NDUFA9: variants seen among roughly 807,000 people sequenced by gnomAD.
NDUFA9 encodes NADH dehydrogenase [ubiquinone] 1 alpha subcomplex subunit 9, mitochondrial.
Under a neutral mutation model 45.9 loss-of-function variants are expected in NDUFA9, and 23 were observed. The ratio of observed to expected loss-of-function variants is 0.50; its 90% confidence interval spans 0.36 to 0.71. The LOEUF (loss-of-function observed/expected upper bound fraction) is 0.71. Among genes scored for constraint, NDUFA9 ranks in the 30% least tolerant of loss-of-function variants. The pLI, the probability that NDUFA9 is intolerant of heterozygous loss-of-function variation, is 0.00. For synonymous variants in NDUFA9, 176 were observed against 170.5 expected, an observed-to-expected ratio of 1.03 and a Z score of -0.25; for missense variants, 466 against 488.2, an observed-to-expected ratio of 0.95 and a Z score of 0.43.
intron 6 of NDUFA9, among the ~76,000 whole-genome samples, chr12:4,666,825 C>A (rs1418746303): frequency 1.3e-5 from 2 of 151,896 alleles, no homozygotes; most frequent in Non-Finnish European, 2.9e-5. Context: ...AAAATTTGTT[C>A]TTTTTCAAGA....
chr12:4,673,852 A>G (rs932322047), intron 8 of NDUFA9, among the ~76,000 whole-genome samples: 98 of 152,204 alleles, frequency 6.4e-4, no homozygotes, highest in African/African-American at 2.2e-3. Flanking sequence ...GAGCAACCAC[A>G]AGACACATAA....
chr12:4,650,984 G>A (rs1945756367), intron 1 of NDUFA9, among the ~76,000 whole-genome samples: 1 of 152,120 alleles, frequency 6.6e-6, no homozygotes, highest in Non-Finnish European at 1.5e-5. Flanking sequence ...GACCTAATAA[G>A]TTGTGGAAAT....
chr12:4,652,550 C>T (rs1309529475), intron 1 of NDUFA9, among the ~76,000 whole-genome samples: 1 of 152,188 alleles, frequency 6.6e-6, no homozygotes, highest in African/African-American at 2.4e-5. Flanking sequence ...ACTTCACTTT[C>T]AGCATTTGGT....
intron 8 of NDUFA9, among the ~76,000 whole-genome samples, chr12:4,676,783 G>T (rs1178407862): frequency 6.6e-6 from 1 of 152,164 alleles, no homozygotes; most frequent in Admixed American, 6.5e-5. Flanking sequence ...TTTCTTCACA[G>T]AATTGGAAAA....
chr12:4,672,444 G>C (rs908082342), intron 8 of NDUFA9, among the ~76,000 whole-genome samples: 1 of 152,226 alleles, frequency 6.6e-6, no homozygotes, highest in Admixed American at 6.5e-5. Context: ...GGCTCAGCGG[G>C]TCCCACCCCC....
At chr12:4,681,669 T>TAG (rs1227346644) in intron 8 of NDUFA9, among the ~76,000 whole-genome samples, 30 of 150,992 alleles carry the variant, frequency 2.0e-4, no homozygotes, top group African/African-American at 5.8e-4. Context: ...AAAAGCAGTT[T>TAG]AGAAGTATTC....
chr12:4,658,996 G>T (rs1945807710), intron 4 of NDUFA9, 40 bp from the exon 5 acceptor site: 1 of 1,581,650 alleles, frequency 6.3e-7, no homozygotes, highest in African/African-American at 1.4e-5. Flanking sequence ...GATCCTGTGT[G>T]TGGAGTTCTT....
intron 8 of NDUFA9, among the ~76,000 whole-genome samples, chr12:4,679,267 G>T (rs1429281007): frequency 6.6e-6 from 1 of 152,152 alleles, no homozygotes; most frequent in Non-Finnish European, 1.5e-5. Context: ...GGATTAAATG[G>T]CTGTGGAGGA....
chr12:4,663,799 C>T (rs1479676907), intron 6 of NDUFA9, among the ~76,000 whole-genome samples: 4 of 152,036 alleles, frequency 2.6e-5, no homozygotes, highest in Admixed American at 2.6e-4. Flanking sequence ...TGTGAACGTG[C>T]CTTTGGAACT....
In NDUFA9 at chr12:4,668,544, G is replaced by C; in HGVS notation, c.723+20G>C. On this transcript the variant is annotated intron_variant, in intron 7 of 10. Transcript: ENST00000266544. The stretch of plus-strand genomic sequence containing the variant: ...GTATATGTAAGTACTTGGATGAAGG[G>C]GGTCAGAAAGGGATTTTTGATGAAT... The C allele has an allele frequency of 6.3e-7, 1 of 1,581,096 alleles. No homozygotes were observed. Among genetic ancestry groups the C allele is most frequent in the Non-Finnish European group, 8.7e-7 (1 of 1,150,140 alleles).
Position 4,649,152 on chromosome 12 carries a change from T to A in NDUFA9, c.26T>A (p.Val9Asp), listed in dbSNP as rs775222592. Residue 9 changes from valine (V) to aspartate (D), a missense_variant, in exon 1 of 11, where the codon GTT (valine) becomes GAT (aspartate). Transcript: ENST00000266544. ...ATGGCGGCTGCCGCACAATCCCGGGTTGTCCGGGTCCTGTCAATGTCACGT... is the reference window on the plus strand; with the variant it reads ...ATGGCGGCTGCCGCACAATCCCGGGATGTCCGGGTCCTGTCAATGTCACGT... The part of the protein sequence containing the change: MAAAAQSR[V>D]VRVLSMSRSA... The A allele has an allele frequency of 1.2e-6, 2 of 1,605,290 alleles. No individual in the cohort carries two copies. The highest frequency in any genetic ancestry group is 2.7e-5 in the African/African-American group (2 of 74,822).
chr12:4,654,799 C>T, intron 2 of NDUFA9, 26 bp from the exon 3 acceptor site: 1 of 1,535,190 alleles, frequency 6.5e-7, no homozygotes, highest in Non-Finnish European at 8.9e-7. Flanking sequence ...TAATGTTGAT[C>T]CTTTTTTCAA....
At chr12:4,670,828 A>G (rs1007624560) in intron 8 of NDUFA9, among the ~76,000 whole-genome samples, 10 of 152,348 alleles carry the variant, frequency 6.6e-5, no homozygotes, top group African/African-American at 2.4e-4. Flanking sequence ...ATACTACACA[A>G]AAGACATTAG....
intron 7 of NDUFA9, among the ~76,000 whole-genome samples, chr12:4,669,218 C>T (rs562687407): frequency 1.8e-4 from 28 of 152,328 alleles, no homozygotes; most frequent in African/African-American, 5.3e-4. Flanking sequence ...TCAGTTGTGA[C>T]AACTGAAAAT....
rs752476402 is a variant in NDUFA9 at position 4,690,086 on chromosome 12, C to A, written c.*2978C>A. The stretch of plus-strand genomic sequence containing the variant: ...GGACACTCATATCCAGGGTGATTCT[C>A]TTCATAAGGAGGCATGGGCTGAGTC... On this transcript the variant is annotated 3_prime_UTR_variant, in exon 11 of 11. Transcript: ENST00000266544. The A allele has an allele frequency of 2.6e-5, 4 of 152,298 alleles. No individual in the cohort carries two copies. Among genetic ancestry groups the A allele is most frequent in the Non-Finnish European group, 4.4e-5 (3 of 68,110 alleles). The allele number at this position is 152,298 out of a possible 1,614,324, so 9.4% of individuals were successfully genotyped here.
At chr12:4,672,205 T>A (rs1389404901) in intron 8 of NDUFA9, among the ~76,000 whole-genome samples, 1 of 152,212 alleles carries the variant, frequency 6.6e-6, no homozygotes, top group Non-Finnish European at 1.5e-5. Context: ...CTGGCCCAGA[T>A]ACTGCGCTTT....
intron 8 of NDUFA9, among the ~76,000 whole-genome samples, chr12:4,672,188 A>G (rs1301977374): frequency 2.0e-5 from 3 of 152,136 alleles, no homozygotes; most frequent in Non-Finnish European, 4.4e-5. Context: ...GGACTGTACC[A>G]TGCACTCTGG....
chr12:4,683,250 C>T (rs1945964829), intron 9 of NDUFA9, among the ~76,000 whole-genome samples: 1 of 151,774 alleles, frequency 6.6e-6, no homozygotes, highest in Admixed American at 6.6e-5. Flanking sequence ...GCTCCTTTCT[C>T]GTCCTAGGTT....
intron 8 of NDUFA9, among the ~76,000 whole-genome samples, chr12:4,674,487 C>T (rs1057012780): frequency 4.6e-5 from 7 of 152,044 alleles, no homozygotes; most frequent in African/African-American, 1.7e-4. Flanking sequence ...GAATATTTAC[C>T]AAGCAAATGG....
Sources: allele counts gnomAD v4.1 joint callset (sites outside exome capture counted in the v4.1 genomes callset), GRCh38; gene constraint gnomAD v4.1.1; transcripts MANE v1.5; gene names NCBI Gene and HGNC (gene_info 2026-07-23, HGNC 2026-07-21).